The following SNX24 variants were observed in gnomAD, a reference collection of about 807,000 sequenced individuals.
SNX24 encodes sorting nexin-24.
Under a neutral mutation model 28.7 loss-of-function variants are expected in SNX24, and 22 were observed. The ratio of observed to expected loss-of-function variants is 0.77; its 90% CI spans 0.55 to 1.10. SNX24 has a LOEUF of 1.10. SNX24 is among the 50% of genes least tolerant of loss of function. The pLI is 0.00. For synonymous variants in SNX24, 69 were observed against 71.5 expected, an observed-to-expected ratio of 0.96 and a Z score of 0.18; for missense variants, 221 against 201.1, an observed-to-expected ratio of 1.10 and a Z score of -0.60.
intron 1 of SNX24, among the ~76,000 whole-genome samples, chr5:122,898,516 T>C (rs1194316493): frequency 6.6e-6 from 1 of 152,214 alleles, no homozygotes; most frequent in African/African-American, 2.4e-5. Context: ...CTCCAGCCAC[T>C]ATGGCAGCAC....
At chr5:122,885,026 G>C (rs1402722131) in intron 1 of SNX24, among the ~76,000 whole-genome samples, 1 of 152,238 alleles carries the variant, frequency 6.6e-6, no homozygotes, top group Non-Finnish European at 1.5e-5. Flanking sequence ...GTTGAAATGA[G>C]AGTGGTATAA....
intron 1 of SNX24, among the ~76,000 whole-genome samples, chr5:122,916,699 C>T (rs985909160): frequency 6.6e-6 from 1 of 152,116 alleles, no homozygotes; most frequent in African/African-American, 2.4e-5. Flanking sequence ...GTTTACTTAA[C>T]AGTGGTGTGT....
chr5:122,849,613 C>A (rs1754804844), intron 1 of SNX24, among the ~76,000 whole-genome samples: 1 of 151,988 alleles, frequency 6.6e-6, no homozygotes, highest in South Asian at 2.1e-4. Context: ...GGGGGAGGGG[C>A]ACCTCTAAAT....
chr5:122,888,173 T>G (rs1756798366), intron 1 of SNX24, among the ~76,000 whole-genome samples: 1 of 152,236 alleles, frequency 6.6e-6, no homozygotes, highest in South Asian at 2.1e-4. Context: ...ATTTGCATTT[T>G]TTTGATTATT....
chr5:123,010,830 A>G (rs945262388), downstream of SNX24, among the ~76,000 whole-genome samples: 8 of 151,070 alleles, frequency 5.3e-5, no homozygotes, highest in Non-Finnish European at 1.0e-4. Context: ...AAATGGTAGC[A>G]CGCAATACCC....
At chr5:122,973,032 G>A (rs1330335130) in intron 3 of SNX24, among the ~76,000 whole-genome samples, 4 of 152,190 alleles carry the variant, frequency 2.6e-5, no homozygotes, top group East Asian at 1.9e-4. Flanking sequence ...GAAAGAGACC[G>A]AGTGGTGTCC....
chr5:122,871,852 A>T (rs1002652008), intron 1 of SNX24, among the ~76,000 whole-genome samples: 2 of 152,256 alleles, frequency 1.3e-5, no homozygotes, highest in Middle Eastern at 3.4e-3. Flanking sequence ...TAAGTTTTGG[A>T]GCCAGATAGA....
intron 2 of SNX24, among the ~76,000 whole-genome samples, chr5:122,942,695 AGACAGGCAGTTTGCCTG>A (rs1759508862): frequency 6.6e-6 from 1 of 152,240 alleles, no homozygotes; most frequent in African/African-American, 2.4e-5. Flanking sequence ...TGCGTGGATC[AGACAGGCAGTTTGCCTG>A]GACACAGCAG....
At chr5:122,899,830 T>C (rs1274335816) in intron 1 of SNX24, among the ~76,000 whole-genome samples, 3 of 152,194 alleles carry the variant, frequency 2.0e-5, no homozygotes, top group Non-Finnish European at 4.4e-5. Flanking sequence ...TATGCTCTTG[T>C]GGGGATAACC....
intron 1 of SNX24, among the ~76,000 whole-genome samples, chr5:122,907,770 T>C (rs1043642140): frequency 1.4e-4 from 21 of 152,214 alleles, no homozygotes; most frequent in Non-Finnish European, 2.2e-4. Flanking sequence ...TCTCAAGTTA[T>C]CAATTTTTAT....
chr5:122,942,377 A>G (rs1759493227), intron 2 of SNX24, among the ~76,000 whole-genome samples: 2 of 152,250 alleles, frequency 1.3e-5, no homozygotes, highest in Non-Finnish European at 1.5e-5. Context: ...AGCACCCTGT[A>G]CATTCTCTTC....
Position 122,994,266 on chromosome 5 carries a change from T to A in SNX24, c.250-5646T>A, listed in dbSNP as rs143461073. Among the ~76,000 whole-genome samples the A allele has an allele frequency of 4.7e-3, 710 of 152,318 alleles. 3 individuals are homozygous for A. The highest frequency in any genetic ancestry group is 8.2e-3 in the Non-Finnish European group (557 of 68,026). On this transcript the variant is annotated intron_variant, in intron 3 of 6. Coordinates refer to ENST00000261369, the MANE Select transcript of SNX24 (RefSeq NM_014035.4). ...TTTCACTGTGTTCTCAGTGGAGATG[T>A]GTCACCGTTTATGCTCGCCTTAGTG...
At chr5:122,965,875 A>G (rs1027587387) in intron 3 of SNX24, among the ~76,000 whole-genome samples, 1 of 152,216 alleles carries the variant, frequency 6.6e-6, no homozygotes, top group Admixed American at 6.5e-5. Flanking sequence ...ATCTTTCCCA[A>G]TCTGATAAAT....
chr5:122,989,557 T>C (rs988017718), intron 3 of SNX24, among the ~76,000 whole-genome samples: 3 of 152,156 alleles, frequency 2.0e-5, no homozygotes, highest in Non-Finnish European at 4.4e-5. Flanking sequence ...TGGGAAATGT[T>C]GGGGAAGAGT....
intron 3 of SNX24, among the ~76,000 whole-genome samples, chr5:122,954,377 A>G (rs528803576): frequency 6.6e-6 from 1 of 152,212 alleles, no homozygotes; most frequent in Admixed American, 6.5e-5. Context: ...AATCTATAAG[A>G]ACAAAGATGT....
At chr5:122,855,053 C>G (rs1018467028) in intron 1 of SNX24, among the ~76,000 whole-genome samples, 3 of 151,868 alleles carry the variant, frequency 2.0e-5, no homozygotes, top group African/African-American at 7.3e-5. Flanking sequence ...AGGTTGGTGG[C>G]TGTGCCAATT....
rs150383814 is a variant in SNX24 at position 122,993,828 on chromosome 5, A to T, written c.250-6084A>T. On this transcript the variant is annotated intron_variant, in intron 3 of 6. Coordinates refer to ENST00000261369, the MANE Select transcript of SNX24 (RefSeq NM_014035.4). Reference sequence around the variant, plus strand: ...TTTTAGCCGTATCTCTGAAGTAGATATGGTATGAAGCATCTTTCCTGGTGA... The same window carrying T: ...TTTTAGCCGTATCTCTGAAGTAGATTTGGTATGAAGCATCTTTCCTGGTGA... 8.8e-4 allele frequency among the ~76,000 whole-genome samples: 134 copies of T among 152,284 alleles called. 1 individual carries two copies. The highest frequency in any genetic ancestry group is 3.0e-3 in the African/African-American group (124 of 41,570).
chr5:122,942,420 A>C (rs1759495483), intron 2 of SNX24, among the ~76,000 whole-genome samples: 1 of 152,214 alleles, frequency 6.6e-6, no homozygotes, highest in South Asian at 2.1e-4. Context: ...CGGTGGCAAT[A>C]CAGGGGGAAA....
chr5:122,976,515 C>T lies in SNX24; in HGVS notation c.250-23397C>T, dbSNP rs139402658. Among the ~76,000 whole-genome samples, 510 of 152,304 alleles carry T rather than the reference C, an allele frequency of 3.3e-3. 4 individuals are homozygous for T. The highest frequency in any genetic ancestry group is 0.012 in the African/African-American group (486 of 41,560). ...GCTGTAGAAGTACAAGGATGAAAGTCACTCTTCCAGATTGATGCTATTTAT... is the reference window on the plus strand; with the variant it reads ...GCTGTAGAAGTACAAGGATGAAAGTTACTCTTCCAGATTGATGCTATTTAT... On this transcript the variant is annotated intron_variant, in intron 3 of 6. Transcript: ENST00000261369.
Sources: gnomAD v4.1 joint callset for allele counts (sites outside exome capture counted in the v4.1 genomes callset) on GRCh38, gnomAD v4.1.1 for gene constraint, MANE v1.5 for transcripts, NCBI Gene and HGNC (gene_info 2026-07-23, HGNC 2026-07-21) for gene names.